The following TRAK1 variants were observed in gnomAD, a reference collection of about 807,000 sequenced individuals.
TRAK1 encodes trafficking kinesin protein 1.
In TRAK1, 33 loss-of-function variants were observed where a neutral mutation model predicts 92.1. The observed-to-expected ratio is 0.36, with a 90% CI of 0.27 to 0.48. The LOEUF (loss-of-function observed/expected upper bound fraction) is 0.48, where lower values mean the gene tolerates loss of function less well. Ranked by LOEUF, TRAK1 falls within the 20% of genes least tolerant of loss-of-function variation. The pLI, the probability that TRAK1 is intolerant of heterozygous loss-of-function variation, is 0.99. For missense variants in TRAK1, 1,123 were observed against 1,257.9 expected, an observed-to-expected ratio of 0.89 and a Z score of 1.62; for synonymous variants, 521 against 517.3, an observed-to-expected ratio of 1.01 and a Z score of -0.10.
At chr3:42,117,884 C>T (rs1709364541) in intron 1 of TRAK1, among the ~76,000 whole-genome samples, 1 of 151,848 alleles carries the variant, frequency 6.6e-6, no homozygotes, top group Non-Finnish European at 1.5e-5. Flanking sequence ...GTGGCCTGAT[C>T]TCGGCTCACT....
intron 1 of TRAK1, among the ~76,000 whole-genome samples, chr3:42,059,020 G>A (rs376655243): frequency 1.5e-4 from 23 of 152,150 alleles, no homozygotes; most frequent in South Asian, 8.3e-4. Context: ...ATGCATGCGT[G>A]TATATATTTG....
At chr3:42,068,309 A>G (rs1354327993) in intron 1 of TRAK1, among the ~76,000 whole-genome samples, 2 of 152,170 alleles carry the variant, frequency 1.3e-5, no homozygotes, top group African/African-American at 4.8e-5. Context: ...CAGGTGTGCC[A>G]CCACGTCCAG....
rs577949393 is a variant in TRAK1 at position 42,105,451 on chromosome 3, A to G, written c.91+13891A>G. Among the ~76,000 whole-genome samples the G allele has an allele frequency of 5.9e-5, 9 of 152,366 alleles. 1 individual carries two copies. The South Asian group carries it at 1.9e-3, about 32-fold the overall frequency. ...AAGATTAAGTGAATGAAATGAAGCA[A>G]GAAGAGAAGTTTAGGGAAAAAAGAG... On this transcript the variant is annotated intron_variant, in intron 1 of 15. Transcript: ENST00000327628.
At chr3:42,169,702 A>G (rs1024306198) in intron 2 of TRAK1, among the ~76,000 whole-genome samples, 6 of 151,690 alleles carry the variant, frequency 4.0e-5, no homozygotes, top group African/African-American at 1.2e-4. Flanking sequence ...GGATAAAAGT[A>G]TAAGTTACTC....
intron 14 of TRAK1, chr3:42,217,095 CTCT>C (rs1316427081): frequency 1.1e-3 from 255 of 228,700 alleles, no homozygotes; most frequent in African/African-American, 5.7e-3. Flanking sequence ...CTCTCTCTCT[CTCT>C]TTTTTTTTTT....
At chr3:42,206,916 G>A (rs952079531) in intron 13 of TRAK1, among the ~76,000 whole-genome samples, 3 of 152,288 alleles carry the variant, frequency 2.0e-5, no homozygotes, top group South Asian at 2.1e-4. Context: ...GGGGCAGCCT[G>A]TTGAACAGTT....
intron 2 of TRAK1, among the ~76,000 whole-genome samples, chr3:42,138,225 T>C (rs972925436): frequency 1.3e-4 from 20 of 152,212 alleles, no homozygotes; most frequent in Non-Finnish European, 2.6e-4. Flanking sequence ...TGTTTTAAAT[T>C]ACACAGGACT....
chr3:42,145,473 A>C (rs71315525), intron 2 of TRAK1, among the ~76,000 whole-genome samples: 3 of 149,476 alleles, frequency 2.0e-5, no homozygotes, highest in African/African-American at 7.5e-5. Flanking sequence ...CAACAGAGTG[A>C]GACTCTGTCT....
rs1553713896 is a variant in TRAK1, at chr3:42,095,718, G to GTCA, written c.91+4186_91+4188dup. ...TATCCCATTGTTTGGCTTTATCATC[G>GTCA]TCATCATCATCATCATCATCATCAT... On this transcript the variant is annotated intron_variant, in intron 1 of 15. Transcript: ENST00000327628. Among the ~76,000 whole-genome samples the GTCA allele has an allele frequency of 1.0e-3, 153 of 151,302 alleles. 1 individual carries two copies. Among genetic ancestry groups the GTCA allele is most frequent in the South Asian group, 2.9e-3 (14 of 4,762 alleles).
chr3:42,040,647 C>T (rs943449524), intron 1 of TRAK1, among the ~76,000 whole-genome samples: 2 of 150,942 alleles, frequency 1.3e-5, no homozygotes, highest in African/African-American at 4.9e-5. Flanking sequence ...AGTTCTAGTT[C>T]ACTGATCTGT....
rs368794100 is a variant in TRAK1, at chr3:42,193,126, C to A, written c.821C>A (p.Thr274Lys). Reference sequence around the variant, plus strand: ...ATCTCAGAGGAACTGGCCAAGAAGACGGAAGATGCTGCCCGCCAGCAAGAG... The same window carrying A: ...ATCTCAGAGGAACTGGCCAAGAAGAAGGAAGATGCTGCCCGCCAGCAAGAG... ...ASISEELAKK[T>K]EDAARQQEEI... The change falls in exon 8 of 16, where the codon ACG becomes AAG. Residue 274 changes from threonine to lysine, a missense_variant. Coordinates refer to ENST00000327628, the MANE Select transcript of TRAK1 (RefSeq NM_001042646.3). 1.9e-6 allele frequency: 3 copies of A among 1,614,158 alleles called. No individual in the cohort carries two copies. Among genetic ancestry groups the A allele is most frequent in the Non-Finnish European group, 2.5e-6 (3 of 1,180,016 alleles).
chr3:42,219,786 G>GTTTTTTT (rs397989334), intron 15 of TRAK1, among the ~76,000 whole-genome samples, 190 bp downstream of exon 15: 7 of 63,524 alleles, frequency 1.1e-4, no homozygotes, highest in African/African-American at 1.7e-4. Context: ...GTTGTTATGT[G>GTTTTTTT]TTTTTTTTTT....
At position 42,209,836 on chromosome 3, in the gene TRAK1, C is replaced by G; in HGVS notation, c.1814C>G (p.Pro605Arg). 1 of 1,614,212 alleles carries G rather than the reference C, an allele frequency of 6.2e-7. No individual in the cohort carries two copies. Among genetic ancestry groups the G allele is most frequent in the Non-Finnish European group, 8.5e-7 (1 of 1,180,036 alleles). ...CTTGGGGGCATCCTGGACCCCCGGC[C>G]CGGTGTGGTCACCAAGGGCTTCCGG... ...PHLGGILDPR[P>R]GVVTKGFRTL... is the part of the protein sequence containing the mutation. Residue 605 changes from proline (P) to arginine (R), a missense_variant, in exon 14 of 16, where the codon CCC becomes CGC. Around this residue, in one of 3 missense-constraint regions of TRAK1, gnomAD observed 36 missense variants for 71.3 expected, o/e 0.50. Transcript: ENST00000327628.
At chr3:42,139,682 A>G (rs1698418091) in intron 2 of TRAK1, among the ~76,000 whole-genome samples, 1 of 151,940 alleles carries the variant, frequency 6.6e-6, no homozygotes, top group East Asian at 1.9e-4. Flanking sequence ...TTGAGTATTT[A>G]TTTTTTTCTT....
upstream of TRAK1, among the ~76,000 whole-genome samples, chr3:42,083,075 G>A (rs1054656607): frequency 6.6e-6 from 1 of 152,148 alleles, no homozygotes; most frequent in African/African-American, 2.4e-5. Flanking sequence ...AGTAAATTTT[G>A]TCAGGCTGTT....
rs1251648760 is a variant in TRAK1, at chr3:42,225,442, C to T, written c.*1705C>T. On this transcript the variant is annotated 3_prime_UTR_variant, in exon 16 of 16. Transcript: ENST00000327628. The stretch of plus-strand genomic sequence containing the variant: ...GAGTATTGGTTAATTATGTTCTCAG[C>T]TCTCCCTGCTGTTGTATGTGTGCAT... 2 of 152,188 alleles carry T rather than the reference C, an allele frequency of 1.3e-5. No individual in the cohort carries two copies. The highest frequency in any genetic ancestry group is 4.8e-5 in the African/African-American group (2 of 41,440). The allele number at this position is 152,188 out of a possible 1,614,324, so 9.4% of individuals were successfully genotyped here. A position where few individuals can be genotyped will look rare whatever the true frequency, so the allele number is the denominator to read the frequency against.
At chr3:42,104,176 C>T (rs1044221289) in intron 1 of TRAK1, among the ~76,000 whole-genome samples, 4 of 152,080 alleles carry the variant, frequency 2.6e-5, no homozygotes, top group East Asian at 3.9e-4. Flanking sequence ...CCGGGAAGCT[C>T]GAACTGGGTG....
intron 1 of TRAK1, among the ~76,000 whole-genome samples, chr3:42,100,492 C>G (rs1297538624): frequency 2.0e-5 from 3 of 152,206 alleles, no homozygotes; most frequent in African/African-American, 7.2e-5. Flanking sequence ...TTCCCATCCA[C>G]TCTGTTTACT....
Position 42,200,990 on chromosome 3 carries a change from G to A in TRAK1, c.1363G>A (p.Gly455Ser), listed in dbSNP as rs779778770. 4 of 1,614,200 alleles carry A rather than the reference G, an allele frequency of 2.5e-6. No individual in the cohort carries two copies. Among genetic ancestry groups the A allele is most frequent in the Non-Finnish European group, 3.4e-6 (4 of 1,180,042 alleles). ...PRSSFYGSDI[G>S]NVVLDNKTNS... ...GTCCAGCTTCTACGGCAGCGACATA[G>A]GCAACGTCGTCCTCGACAACAAGAC... The change falls in exon 12 of 16, where the codon GGC becomes AGC. Residue 455 changes from glycine to serine, a missense_variant. Physicochemically the swap from Gly to Ser is moderately conservative, Grantham distance 56. Coordinates refer to ENST00000327628, the MANE Select transcript of TRAK1 (RefSeq NM_001042646.3).
Sources: gnomAD v4.1 joint callset for allele counts (sites outside exome capture counted in the v4.1 genomes callset) on GRCh38, gnomAD v4.1.1 for gene constraint, gnomAD v4.1.1 regional missense constraint, MANE v1.5 for transcripts, NCBI Gene and HGNC (gene_info 2026-07-23, HGNC 2026-07-21) for gene names.